The following ZNF92 variants were observed in gnomAD, a reference collection of about 807,000 sequenced individuals.
ZNF92 encodes zinc finger protein 92.
In ZNF92, 11 loss-of-function variants were observed where a neutral mutation model predicts 12.4. The observed-to-expected ratio is 0.89, with a 90% CI of 0.56 to 1.47. The LOEUF (loss-of-function observed/expected upper bound fraction) is 1.47. ZNF92 is among the 40% of genes most tolerant of loss of function. ZNF92 has a pLI of 0.00. For synonymous variants in ZNF92, 206 were observed against 228.6 expected (o/e 0.90, Z 0.89); for missense variants, 622 against 681.0 (o/e 0.91, Z 0.96).
At chr7:65,374,450 G>C (rs1352358476) in intron 1 of ZNF92, among the ~76,000 whole-genome samples, 1 of 149,068 alleles carries the variant, frequency 6.7e-6, no homozygotes, top group East Asian at 1.9e-4. Flanking sequence ...ATCAAAGAGC[G>C]ATTCAGGAAT....
intron 3 of ZNF92, among the ~76,000 whole-genome samples, chr7:65,396,117 G>T (rs1159745566): frequency 6.6e-6 from 1 of 151,922 alleles, no homozygotes; most frequent in Non-Finnish European, 1.5e-5. Flanking sequence ...TTGCCATGTT[G>T]CTGAGGCTGG....
chr7:65,393,790 A>G (rs925753312), intron 3 of ZNF92, among the ~76,000 whole-genome samples: 4 of 151,578 alleles, frequency 2.6e-5, no homozygotes, highest in African/African-American at 7.3e-5. Flanking sequence ...TCCCATGTAT[A>G]TATATCTCTT....
Position 65,398,557 on chromosome 7 carries a change from A to T in ZNF92, c.443A>T (p.Asp148Val). The change falls in exon 4 of 4, where the codon GAT becomes GTT. Residue 148 changes from aspartate (D) to valine (V), a missense_variant. Asp to Val is a radical substitution (Grantham distance 152). Transcript: ENST00000328747. ...ACTGACAGCAAGATATTTCAGTGTG[A>T]TAAATATGTGAAAGTCTTTCATAAA... is the stretch of plus-strand genomic sequence containing the variant. Reference protein sequence around the residue: ...TTTDSKIFQCDKYVKVFHKFP... With the variant: ...TTTDSKIFQCVKYVKVFHKFP... The T allele has an allele frequency of 6.2e-7, 1 of 1,609,690 alleles. No individual in the cohort carries two copies. The highest frequency in any genetic ancestry group is 8.5e-7 in the Non-Finnish European group (1 of 1,178,582).
At chr7:65,381,194 A>G (rs1326559203) in intron 1 of ZNF92, among the ~76,000 whole-genome samples, 1 of 151,604 alleles carries the variant, frequency 6.6e-6, no homozygotes, top group Non-Finnish European at 1.5e-5. Flanking sequence ...TATTTTTTTT[A>G]GTAGAGACGG....
At chr7:65,386,047 TCTCA>T (rs1793551646) in intron 1 of ZNF92, among the ~76,000 whole-genome samples, 1 of 152,062 alleles carries the variant, frequency 6.6e-6, no homozygotes, top group African/African-American at 2.4e-5. Context: ...TGAGAAGGAA[TCTCA>T]CTCTGTCACC....
At chr7:65,389,740 C>T (rs1320824108) in intron 3 of ZNF92, among the ~76,000 whole-genome samples, 2 of 150,836 alleles carry the variant, frequency 1.3e-5, no homozygotes, top group East Asian at 4.0e-4. Flanking sequence ...TGGTCTTGAT[C>T]TCTTGACCTT....
rs141524640 is a variant in ZNF92 at position 65,380,291 on chromosome 7, C to T, written c.3+6291C>T. On this transcript the variant is annotated intron_variant, in intron 1 of 3. Coordinates refer to ENST00000328747, the MANE Select transcript of ZNF92 (RefSeq NM_152626.4). ...TTATTTATTTCTGAAGACAGGGTCT[C>T]ACTCTGTCGCCCAGGCTGGAGTGCA... is the stretch of plus-strand genomic sequence containing the variant. Among the ~76,000 whole-genome samples, 15 of 152,150 alleles carry T rather than the reference C, an allele frequency of 9.9e-5. No homozygotes were observed. The East Asian group carries it at 2.9e-3, about 29-fold the overall frequency.
In ZNF92 at chr7:65,398,972, A is replaced by G; in HGVS notation, c.858A>G (p.Lys286=). 1 of 1,613,464 alleles carries G rather than the reference A, an allele frequency of 6.2e-7. No individual in the cohort carries two copies. Among genetic ancestry groups the G allele is most frequent in the Middle Eastern group, 1.7e-4 (1 of 6,060 alleles). ...TTCATACAGAAGAGAAACCCTACAA[A>G]TGTGAAGAATGTGGCAAGGCCTTTA... ...KRIHTEEKPY[K]CEECGKAFNQ... The change falls in exon 4 of 4, where the codon AAA becomes AAG. Residue 286 remains lysine, a synonymous_variant. Transcript: ENST00000328747.
At chr7:65,395,235 T>C (rs1203819434) in intron 3 of ZNF92, among the ~76,000 whole-genome samples, 1 of 152,048 alleles carries the variant, frequency 6.6e-6, no homozygotes, top group South Asian at 2.1e-4. Context: ...TTTGATCATT[T>C]GTAGGGACAG....
chr7:65,398,429 A>G lies in ZNF92; in HGVS notation c.315A>G (p.Lys105=). 6.2e-7 allele frequency: 1 copy of G among 1,612,912 alleles called. No homozygotes were observed. The highest frequency in any genetic ancestry group is 1.3e-5 in the African/African-American group (1 of 74,956). ...AAGTGATACTGAGAACATATGGAAA[A>G]TATGGACATGAGAATTTACAGCTAA... The part of the protein sequence containing the change: ...FQKVILRTYG[K]YGHENLQLRK... The change falls in exon 4 of 4, where the codon AAA becomes AAG. Residue 105 remains lysine, a synonymous_variant. Transcript: ENST00000328747.
intron 1 of ZNF92, among the ~76,000 whole-genome samples, chr7:65,378,720 C>T (rs962823117): frequency 4.0e-5 from 6 of 149,226 alleles, no homozygotes; most frequent in Non-Finnish European, 5.9e-5. Context: ...CCAGCCTGGG[C>T]GACAGAGCAA....
chr7:65,394,501 C>T (rs1793799674), intron 3 of ZNF92, among the ~76,000 whole-genome samples: 1 of 151,904 alleles, frequency 6.6e-6, no homozygotes, highest in Non-Finnish European at 1.5e-5. Context: ...TGTTCTTTTT[C>T]ATGGGTGTTT....
At position 65,398,879 on chromosome 7, in the gene ZNF92, A is replaced by G; in HGVS notation, c.765A>G (p.Lys255=). 3 of 1,612,954 alleles carry G rather than the reference A, an allele frequency of 1.9e-6. No homozygotes were observed. The highest frequency in any genetic ancestry group is 3.3e-5 in the Admixed American group (2 of 59,974). ...ATAAAATAATTCATACTGGAGAGAA[A>G]CCCTACAAATGTGAAGAATGTGGCA... ...TKHKIIHTGE[K]PYKCEECGKA... The change falls in exon 4 of 4, where the codon AAA becomes AAG. Residue 255 remains lysine (K), a synonymous_variant. Transcript: ENST00000328747.
chr7:65,377,714 G>C (rs889893266), intron 1 of ZNF92, among the ~76,000 whole-genome samples: 1 of 151,606 alleles, frequency 6.6e-6, no homozygotes, highest in East Asian at 1.9e-4. Flanking sequence ...CTACAGGCTC[G>C]TGCCACCACA....
At chr7:65,375,032 G>A (rs542413687) in intron 1 of ZNF92, among the ~76,000 whole-genome samples, 1 of 152,194 alleles carries the variant, frequency 6.6e-6, no homozygotes, top group African/African-American at 2.4e-5. Flanking sequence ...TTTTGGCAAA[G>A]CATTGGATGG....
chr7:65,375,884 C>T (rs1348814564), intron 1 of ZNF92, among the ~76,000 whole-genome samples: 1 of 151,990 alleles, frequency 6.6e-6, no homozygotes, highest in Non-Finnish European at 1.5e-5. Flanking sequence ...GGTACAAGAA[C>T]TTGCAAAGTA....
chr7:65,399,753 A>G lies in ZNF92; in HGVS notation c.1639A>G (p.Asn547Asp). ...YKYEECDKAF[N>D]KFSTLITHQI... ...ATATGAAGAATGTGACAAAGCCTTT[A>G]ACAAGTTCTCAACCCTTATTACACA... The change falls in exon 4 of 4, where the codon AAC (asparagine) becomes GAC (aspartate). Residue 547 changes from asparagine to aspartate, a missense_variant. Coordinates refer to ENST00000328747, the MANE Select transcript of ZNF92 (RefSeq NM_152626.4). The G allele has an allele frequency of 6.2e-7, 1 of 1,613,636 alleles. No homozygotes were observed. The highest frequency in any genetic ancestry group is 1.1e-5 in the South Asian group (1 of 91,042).
chr7:65,392,601 A>G (rs1411345466), intron 3 of ZNF92, among the ~76,000 whole-genome samples: 2 of 149,666 alleles, frequency 1.3e-5, no homozygotes, highest in African/African-American at 4.9e-5. Flanking sequence ...CAATGGTGTC[A>G]TCTCAGCTCA....
chr7:65,386,556 G>C (rs1278731366), intron 1 of ZNF92, among the ~76,000 whole-genome samples: 4 of 152,072 alleles, frequency 2.6e-5, no homozygotes, highest in Non-Finnish European at 5.9e-5. Flanking sequence ...ACAGGATTAA[G>C]AAAATGCTTT....
Sources: allele counts gnomAD v4.1 joint callset (sites outside exome capture counted in the v4.1 genomes callset), GRCh38; gene constraint gnomAD v4.1.1; transcripts MANE v1.5; gene names NCBI Gene and HGNC (gene_info 2026-07-23, HGNC 2026-07-21).